The following LOXHD1 variants were observed in gnomAD, a reference collection of about 807,000 sequenced individuals.
LOXHD1 encodes lipoxygenase homology PLAT domains 1.
Under a neutral mutation model 248.2 loss-of-function variants are expected in LOXHD1, and 205 were observed. The ratio of observed to expected loss-of-function variants is 0.83; its 90% CI spans 0.74 to 0.93. The LOEUF (loss-of-function observed/expected upper bound fraction) is 0.93, where lower values mean the gene tolerates loss of function less well. Among genes scored for constraint, LOXHD1 ranks in the 40% least tolerant of loss-of-function variants. The pLI, the probability that LOXHD1 is intolerant of heterozygous loss-of-function variation, is 0.00. For synonymous variants in LOXHD1, 1,113 were observed against 1,162.8 expected (o/e 0.96, Z 0.87); for missense variants, 2,930 against 2,971.6 (o/e 0.99, Z 0.33).
intron 23 of LOXHD1, among the ~76,000 whole-genome samples, chr18:46,544,122 T>C (rs1338114993): frequency 2.6e-5 from 4 of 152,214 alleles, no homozygotes; most frequent in African/African-American, 9.7e-5. Flanking sequence ...GCCCACCTCA[T>C]GTAGAAAGTC....
intron 26 of LOXHD1, among the ~76,000 whole-genome samples, chr18:46,536,385 A>G (rs1166732484): frequency 1.3e-5 from 2 of 152,138 alleles, no homozygotes; most frequent in African/African-American, 4.8e-5. Context: ...CTGAAAATCA[A>G]TCAGAAAAGG....
intron 28 of LOXHD1, among the ~76,000 whole-genome samples, chr18:46,530,768 T>G (rs1037803448): frequency 6.6e-6 from 1 of 152,212 alleles, no homozygotes; most frequent in Non-Finnish European, 1.5e-5. Flanking sequence ...CCCTGGGTTC[T>G]GCAGCATTAT....
chr18:46,654,518 C>T (rs905907355), intron 1 of LOXHD1, among the ~76,000 whole-genome samples: 2 of 152,222 alleles, frequency 1.3e-5, no homozygotes, highest in Non-Finnish European at 2.9e-5. Flanking sequence ...CAATGTGCCA[C>T]GTTCAGCCTG....
chr18:46,639,219 G>T (rs1179425835), intron 4 of LOXHD1, among the ~76,000 whole-genome samples: 1 of 152,204 alleles, frequency 6.6e-6, no homozygotes, highest in Non-Finnish European at 1.5e-5. Flanking sequence ...CTATGCCTTG[G>T]CTGTAACTCA....
chr18:46,536,319 G>A (rs976962708), intron 26 of LOXHD1, among the ~76,000 whole-genome samples: 4 of 152,054 alleles, frequency 2.6e-5, no homozygotes, highest in African/African-American at 4.8e-5. Flanking sequence ...GATAGTGGCT[G>A]AGCCAGAATC....
At chr18:46,522,427 G>C (rs2035625769) in intron 31 of LOXHD1, 118 bp from the exon 32 acceptor site, 1 of 797,382 alleles carries the variant, frequency 1.3e-6, no homozygotes, top group Non-Finnish European at 2.0e-6. Context: ...CTTGCTCAGA[G>C]ACAAAGTGCA....
Position 46,531,401 on chromosome 18 carries a change from G to A in LOXHD1, c.4375+1761C>T, listed in dbSNP as rs998499679. 1.9e-4 allele frequency among the ~76,000 whole-genome samples: 29 copies of A among 152,234 alleles called. 1 individual carries two copies. Among genetic ancestry groups the A allele is most frequent in the South Asian group, 1.9e-3 (9 of 4,820 alleles). ...TCATAGTTTAGACACAACAGTTGAC[G>A]GTCTCCCCCCTCATTTTCCCCCTCA... On this transcript the variant is annotated intron_variant, in intron 28 of 40. Coordinates refer to ENST00000642948, the MANE Select transcript of LOXHD1 (RefSeq NM_001384474.1).
At chr18:46,502,760 AT>A (rs1392283111) in intron 37 of LOXHD1, among the ~76,000 whole-genome samples, 7 of 152,104 alleles carry the variant, frequency 4.6e-5, no homozygotes, top group Non-Finnish European at 7.3e-5. Flanking sequence ...AAACACTCAT[AT>A]TGTAAATGGC....
intron 3 of LOXHD1, 141 bp from the exon 4 acceptor site, chr18:46,639,941 T>A: frequency 9.8e-7 from 1 of 1,023,970 alleles, no homozygotes; most frequent in Non-Finnish European, 1.4e-6. Flanking sequence ...GAACCTCGGT[T>A]TCCTCATCTA....
intron 2 of LOXHD1, among the ~76,000 whole-genome samples, chr18:46,645,484 A>C (rs2039017495): frequency 6.6e-6 from 1 of 152,234 alleles, no homozygotes; most frequent in South Asian, 2.1e-4. Flanking sequence ...ACCATGTTCC[A>C]GACGATACAT....
chr18:46,512,838 A>G (rs1368888485), intron 34 of LOXHD1, among the ~76,000 whole-genome samples: 2 of 152,200 alleles, frequency 1.3e-5, no homozygotes, highest in African/African-American at 4.8e-5. Context: ...AGGGTCCTCA[A>G]TGGAATACTA....
chr18:46,657,112 C>T lies in LOXHD1; in HGVS notation c.-79G>A. Reference sequence around the variant, plus strand: ...ACCTGCGGGAACCTGAGACCTCCTCCCTGAGCTCTGGCGCCCACGGCCCTC... The same window carrying T: ...ACCTGCGGGAACCTGAGACCTCCTCTCTGAGCTCTGGCGCCCACGGCCCTC... On this transcript the variant is annotated 5_prime_UTR_variant, in exon 1 of 41. Transcript: ENST00000642948. 10 of 1,548,260 alleles carry T rather than the reference C, an allele frequency of 6.5e-6. No homozygotes were observed. The highest frequency in any genetic ancestry group is 7.9e-6 in the Non-Finnish European group (9 of 1,145,594).
chr18:46,513,530 G>A (rs2035087550), intron 34 of LOXHD1, among the ~76,000 whole-genome samples: 1 of 152,202 alleles, frequency 6.6e-6, no homozygotes, highest in Non-Finnish European at 1.5e-5. Flanking sequence ...ATACACAAAA[G>A]AGGTGGGATG....
chr18:46,600,346 C>A (rs1246688774), intron 8 of LOXHD1, among the ~76,000 whole-genome samples: 3 of 152,172 alleles, frequency 2.0e-5, no homozygotes, highest in Non-Finnish European at 2.9e-5. Flanking sequence ...CTCCTATAAT[C>A]CCAGCACTTT....
intron 8 of LOXHD1, among the ~76,000 whole-genome samples, chr18:46,596,079 A>AT (rs1396322635): frequency 2.0e-5 from 3 of 152,030 alleles, no homozygotes. Context: ...TTATCTCAGG[A>AT]TTTTGTTTGT....
chr18:46,560,567 G>A (rs546034832), intron 18 of LOXHD1, 22 bp from the exon 19 acceptor site: 606 of 1,506,108 alleles, frequency 4.0e-4, no homozygotes, highest in Non-Finnish European at 5.2e-4. Flanking sequence ...GCAGGGCAGC[G>A]GCTGTCGTGG....
chr18:46,587,683 C>T (rs923750775), intron 12 of LOXHD1, among the ~76,000 whole-genome samples: 13 of 152,202 alleles, frequency 8.5e-5, no homozygotes, highest in African/African-American at 2.2e-4. Flanking sequence ...CTCTGATTAA[C>T]GAGAAGCTAC....
intron 17 of LOXHD1, among the ~76,000 whole-genome samples, chr18:46,564,842 G>GAC (rs955360758): frequency 7.9e-5 from 12 of 152,162 alleles, no homozygotes; most frequent in Non-Finnish European, 5.9e-5. Context: ...CTTCAGATTA[G>GAC]ACACACACAC....
chr18:46,522,333 G>C (rs1008684983), intron 31 of LOXHD1, 24 bp from the exon 32 acceptor site: 2 of 1,540,184 alleles, frequency 1.3e-6, no homozygotes, highest in Non-Finnish European at 1.8e-6. Flanking sequence ...CGGGGCTCAG[G>C]TTCATAACAG....
Sources: allele counts gnomAD v4.1 joint callset (sites outside exome capture counted in the v4.1 genomes callset), GRCh38; gene constraint gnomAD v4.1.1; transcripts MANE v1.5; gene names NCBI Gene and HGNC (gene_info 2026-07-23, HGNC 2026-07-21).